The following NACC2 variants were observed in gnomAD, a reference collection of about 807,000 sequenced individuals.
NACC2 encodes nucleus accumbens-associated protein 2.
NACC2 carries 8 observed loss-of-function variants against 25.1 expected under a neutral mutation model. That is an observed-to-expected ratio of 0.32 (90% CI 0.19 to 0.57). NACC2 has a LOEUF of 0.57. Ranked by LOEUF, NACC2 falls within the 20% of genes least tolerant of loss-of-function variation. The probability of loss-of-function intolerance (pLI) is 0.89; values close to 1 mark genes in which losing one functional copy is unlikely to be tolerated. For missense variants in NACC2, 644 were observed against 650.2 expected (o/e 0.99, Z 0.10); for synonymous variants, 435 against 294.7 (o/e 1.48, Z -4.88).
intron 1 of NACC2, among the ~76,000 whole-genome samples, chr9:136,074,926 C>T (rs79106207): frequency 6.6e-6 from 1 of 152,318 alleles, no homozygotes; most frequent in East Asian, 1.9e-4. Flanking sequence ...AATGGGTTCT[C>T]GCACGGCCTC....
chr9:136,080,779 C>A (rs774939416), intron 1 of NACC2, among the ~76,000 whole-genome samples: 2 of 152,154 alleles, frequency 1.3e-5, no homozygotes, highest in African/African-American at 2.4e-5. Flanking sequence ...CAGACCCCAG[C>A]GGAGTCACTG....
Position 136,050,380 on chromosome 9 carries a change from G to A in NACC2, c.142C>T (p.Leu48=). ...GQAFKAHRAV[L]AASSLYFRDL... The stretch of plus-strand genomic sequence containing the variant: ...CGGAAGTAGAGGCTGCTGGCGGCCA[G>A]CACCGCCCGGTGGGCCTTGAAGGCC... Residue 48 remains leucine, a synonymous_variant, in exon 2 of 6, where the codon CTG becomes TTG. Coordinates refer to ENST00000277554, the MANE Select transcript of NACC2 (RefSeq NM_144653.5). 2 of 752,832 alleles carry A rather than the reference G, an allele frequency of 2.7e-6. No homozygotes were observed. Among genetic ancestry groups the A allele is most frequent in the Middle Eastern group, 2.5e-4 (1 of 3,936 alleles). The allele number at this position is 752,832 out of a possible 1,614,324, so 46.6% of individuals were successfully genotyped here.
rs1311732304 is a variant in NACC2, at chr9:136,084,024, C to T, written c.-60+11165G>A. Reference sequence around the variant, plus strand: ...CAAGACCTGGCCACAACCCCATCTCCTAGTTCCTCTACAGCCCCACAGCCT... The same window carrying T: ...CAAGACCTGGCCACAACCCCATCTCTTAGTTCCTCTACAGCCCCACAGCCT... On this transcript the variant is annotated intron_variant, in intron 1 of 5. Coordinates refer to ENST00000277554, the MANE Select transcript of NACC2 (RefSeq NM_144653.5). The surrounding 1 kb of genome is among the most constrained non-coding windows in gnomAD (Gnocchi z 5.1). Among the ~76,000 whole-genome samples, 1 of 152,200 alleles carries T rather than the reference C, an allele frequency of 6.6e-6. No individual in the cohort carries two copies. Among genetic ancestry groups the T allele is most frequent in the Non-Finnish European group, 1.5e-5 (1 of 68,036 alleles).
intron 2 of NACC2, among the ~76,000 whole-genome samples, chr9:136,042,958 ACACAGAGACACACACATAGACG>A (rs1200805926): frequency 2.0e-5 from 3 of 151,760 alleles, no homozygotes; most frequent in African/African-American, 7.3e-5. Flanking sequence ...ACACACAGAC[ACACAGAGACACACACATAGACG>A]CAGACACACA....
Position 136,020,567 on chromosome 9 carries a change from C to T in NACC2, c.887-4138G>A, listed in dbSNP as rs535959338. On this transcript the variant is annotated intron_variant, in intron 2 of 5. Transcript: ENST00000277554. The surrounding 1 kb of genome is among the most constrained non-coding windows in gnomAD (Gnocchi z 4.7). ...CGGGGGTAGGAGGGAGACGGGGAGG[C>T]CTACTCCCTAAAAGTGTATACCATT... 6.6e-6 allele frequency among the ~76,000 whole-genome samples: 1 copy of T among 152,302 alleles called. No individual in the cohort carries two copies. Among genetic ancestry groups the T allele is most frequent in the East Asian group, 1.9e-4 (1 of 5,186 alleles).
rs902588576 is a variant in NACC2, at chr9:136,084,645, A to G, written c.-60+10544T>C. Among the ~76,000 whole-genome samples, 1 of 152,236 alleles carries G rather than the reference A, an allele frequency of 6.6e-6. No homozygotes were observed. Among genetic ancestry groups the G allele is most frequent in the Non-Finnish European group, 1.5e-5 (1 of 68,032 alleles). On this transcript the variant is annotated intron_variant, in intron 1 of 5. Coordinates refer to ENST00000277554, the MANE Select transcript of NACC2 (RefSeq NM_144653.5). This position sits in a 1 kb window ranked among gnomAD's most constrained non-coding sequence, Gnocchi z 5.1. ...TCAAACAGACGCGCACGCCACGTCC[A>G]TAGCGGCAGCACCAGACAGCCAAGA...
At chr9:136,064,192 G>GC (rs1166249658) in intron 1 of NACC2, among the ~76,000 whole-genome samples, 10 of 86,782 alleles carry the variant, frequency 1.2e-4, no homozygotes, top group Non-Finnish European at 1.8e-4. Flanking sequence ...AGGAGGCTGA[G>GC]GGGGGAGAAT....
chr9:136,007,277 A>G lies in NACC2; in HGVS notation c.*4239T>C, dbSNP rs925039744. 4 of 154,430 alleles carry G rather than the reference A, an allele frequency of 2.6e-5. No individual in the cohort carries two copies. The highest frequency in any genetic ancestry group is 9.6e-5 in the African/African-American group (4 of 41,540). The allele number at this position is 154,430 out of a possible 1,614,324, so 9.6% of individuals were successfully genotyped here. On this transcript the variant is annotated 3_prime_UTR_variant, in exon 6 of 6. Coordinates refer to ENST00000277554, the MANE Select transcript of NACC2 (RefSeq NM_144653.5). ...AAAGAAACAAAACAAACAAACACGAAAAACCTTTGCCATTTTAGAACCATC... is the reference window on the plus strand; with the variant it reads ...AAAGAAACAAAACAAACAAACACGAGAAACCTTTGCCATTTTAGAACCATC...
intron 2 of NACC2, among the ~76,000 whole-genome samples, chr9:136,029,907 C>A (rs1466691945): frequency 6.6e-6 from 1 of 152,194 alleles, no homozygotes; most frequent in Non-Finnish European, 1.5e-5. Context: ...CCTGGCACAG[C>A]CTGCTGGGCC....
chr9:136,066,844 C>T (rs371687186), intron 1 of NACC2, among the ~76,000 whole-genome samples: 8 of 150,466 alleles, frequency 5.3e-5, no homozygotes, highest in South Asian at 2.1e-4. Context: ...CTACGCTAAG[C>T]GAAACATTAC....
At chr9:136,030,863 A>ACTG (rs1485932307) in intron 2 of NACC2, among the ~76,000 whole-genome samples, 1 of 151,920 alleles carries the variant, frequency 6.6e-6, no homozygotes, top group Non-Finnish European at 1.5e-5. Flanking sequence ...GGGTTTTGCC[A>ACTG]TGTTGCCCAG....
intron 1 of NACC2, among the ~76,000 whole-genome samples, chr9:136,064,218 G>A (rs1422309353): frequency 2.6e-5 from 4 of 152,144 alleles, no homozygotes; most frequent in Admixed American, 6.6e-5. Flanking sequence ...GAGCCCAGGC[G>A]ATCGAGGCTG....
chr9:136,011,996 G>A lies in NACC2; in HGVS notation c.1284C>T (p.Phe428=). The A allele has an allele frequency of 6.3e-7, 1 of 1,597,820 alleles. No homozygotes were observed. The highest frequency in any genetic ancestry group is 8.5e-7 in the Non-Finnish European group (1 of 1,172,926). ...CGATCACGTTCATCTCGCTCTCCTT[G>A]AAGCTGGGGGCGAAGTTCTGACAGT... ...KLYCQNFAPS[F]KESEMNVIAA... The change falls in exon 6 of 6, where the codon TTC becomes TTT. Residue 428 remains phenylalanine (F), a synonymous_variant. Transcript: ENST00000277554.
At chr9:136,072,193 G>A (rs1213531293) in intron 1 of NACC2, among the ~76,000 whole-genome samples, 3 of 151,662 alleles carry the variant, frequency 2.0e-5, no homozygotes, top group East Asian at 1.9e-4. Flanking sequence ...AGCCGAGATC[G>A]TGCCATTGCA....
rs1162435573 is a variant in NACC2 at position 136,051,876 on chromosome 9, AAGGAGGAGGAGGAGG to A, written c.-59-1311_-59-1297del. On this transcript the variant is annotated intron_variant, in intron 1 of 5. Transcript: ENST00000277554. ...GGCGGGGAGGGCGCAGGGAGCCGGC[AAGGAGGAGGAGGAGG>A]AGGAGGAGGAGGAGGAGGAGATGGT... is the stretch of plus-strand genomic sequence containing the variant. Among the ~76,000 whole-genome samples, 71 of 132,380 alleles carry A rather than the reference AAGGAGGAGGAGGAGG, an allele frequency of 5.4e-4. No homozygotes were observed. In the South Asian group the frequency reaches 8.9e-3, roughly 17 times the overall value. The allele number at this position is 132,380 out of a possible 152,430, so 86.8% of individuals were successfully genotyped here. A position where few individuals can be genotyped will look rare whatever the true frequency, so the allele number is the denominator to read the frequency against.
rs71759303 is a variant in NACC2 at position 136,007,430 on chromosome 9, TACAC to T, written c.*4082_*4085del. ...GTGCACACAGACGCGCGTGCACACA[TACAC>T]ACAGACGCGCACACACACGCGCACA... On this transcript the variant is annotated 3_prime_UTR_variant, in exon 6 of 6. Coordinates refer to ENST00000277554, the MANE Select transcript of NACC2 (RefSeq NM_144653.5). The T allele has an allele frequency of 0.25, 34,803 of 136,884 alleles. 4,817 individuals carry two copies. The highest frequency in any genetic ancestry group is 0.35 in the East Asian group (1,680 of 4,834). 8.5% of individuals were successfully genotyped at this position (136,884 alleles called of 1,614,324 possible). A position where few individuals can be genotyped will look rare whatever the true frequency, so the allele number is the denominator to read the frequency against.
At position 136,062,114 on chromosome 9, in the gene NACC2, AGACAGGACAGGACAG is replaced by A. The variant is rs10597829; in HGVS notation, c.-59-11549_-59-11535del. On this transcript the variant is annotated intron_variant, in intron 1 of 5. Coordinates refer to ENST00000277554, the MANE Select transcript of NACC2 (RefSeq NM_144653.5). The stretch of plus-strand genomic sequence containing the variant: ...GTACTCCAGCCTGGGCAACAGAGCG[AGACAGGACAGGACAG>A]GACAGGACAGGACAGGACAGGACAG... 8.0e-3 allele frequency among the ~76,000 whole-genome samples: 1,144 copies of A among 142,548 alleles called. 29 individuals carry two copies. The highest frequency in any genetic ancestry group is 0.052 in the East Asian group (251 of 4,804). 93.5% of individuals were successfully genotyped at this position (142,548 alleles called of 152,430 possible). A position where few individuals can be genotyped will look rare whatever the true frequency, so the allele number is the denominator to read the frequency against.
chr9:136,066,049 CG>C (rs1451900664), intron 1 of NACC2, among the ~76,000 whole-genome samples: 6 of 151,668 alleles, frequency 4.0e-5, no homozygotes, highest in Admixed American at 3.9e-4. Flanking sequence ...CAAAACTAGC[CG>C]GGTGTGGTGG....
intron 1 of NACC2, among the ~76,000 whole-genome samples, chr9:136,068,676 T>C (rs758450895): frequency 6.6e-6 from 1 of 151,608 alleles, no homozygotes; most frequent in Non-Finnish European, 1.5e-5. Flanking sequence ...AATTATACAG[T>C]GTATGAGTGA....
Sources: gnomAD v4.1 joint callset for allele counts (sites outside exome capture counted in the v4.1 genomes callset) on GRCh38, gnomAD v4.1.1 for gene constraint, Gnocchi (gnomAD v3.1) non-coding constraint, MANE v1.5 for transcripts, NCBI Gene and HGNC (gene_info 2026-07-23, HGNC 2026-07-21) for gene names.